Variants in ADAM17 observed in about 807,000 individuals in gnomAD.
ADAM17 encodes the protein ADAM metallopeptidase domain 17, also known as disintegrin and metalloproteinase domain-containing protein 17.
In ADAM17, 39 loss-of-function variants were observed where a neutral mutation model predicts 96.7. The ratio of observed to expected loss-of-function variants is 0.40; its 90% CI spans 0.31 to 0.53. The LOEUF is 0.53. Among genes scored for constraint, ADAM17 ranks in the 20% least tolerant of loss-of-function variants. ADAM17 has a pLI of 0.44. For synonymous variants in ADAM17, 344 were observed against 359.2 expected (o/e 0.96, Z 0.48); for missense variants, 777 against 1,013.2 (o/e 0.77, Z 3.17).
At chr2:9,504,763 GAAAAAA>G (rs55649546) in intron 12 of ADAM17, among the ~76,000 whole-genome samples, 10 of 117,790 alleles carry the variant, frequency 8.5e-5, no homozygotes, top group Non-Finnish European at 1.4e-4. Context: ...TCTGTCTCAG[GAAAAAA>G]AAAAAAAAAA....
chr2:9,523,231 A>C lies in ADAM17; in HGVS notation c.843+18T>G, dbSNP rs373462756. On this transcript the variant is annotated intron_variant, in intron 7 of 18. Transcript: ENST00000310823. Reference sequence around the variant, plus strand: ...TTACAAAACTTAAGTAATATAAGCCATATCTATTGATAAATACCTGCTCTA... The same window carrying C: ...TTACAAAACTTAAGTAATATAAGCCCTATCTATTGATAAATACCTGCTCTA... 1 of 1,553,164 alleles carries C rather than the reference A, an allele frequency of 6.4e-7. No homozygotes were observed. Among genetic ancestry groups the C allele is most frequent in the Non-Finnish European group, 8.8e-7 (1 of 1,132,496 alleles).
intron 11 of ADAM17, among the ~76,000 whole-genome samples, chr2:9,508,039 G>A (rs1443344892): frequency 1.3e-5 from 2 of 152,252 alleles, no homozygotes; most frequent in East Asian, 3.9e-4. Flanking sequence ...CTGTTTTGAA[G>A]AGCCCCAGAA....
chr2:9,509,512 T>C (rs1480505517), intron 11 of ADAM17, among the ~76,000 whole-genome samples: 1 of 152,196 alleles, frequency 6.6e-6, no homozygotes, highest in Non-Finnish European at 1.5e-5. Flanking sequence ...GATAGAGCTA[T>C]GAATAAGACA....
At chr2:9,506,595 G>T (rs566288473) in intron 11 of ADAM17, among the ~76,000 whole-genome samples, 1 of 152,038 alleles carries the variant, frequency 6.6e-6, no homozygotes, top group Admixed American at 6.5e-5. Flanking sequence ...TCGATCTCTT[G>T]ACCTCATGAT....
At chr2:9,530,149 G>C (rs1664681081) in intron 4 of ADAM17, among the ~76,000 whole-genome samples, 1 of 152,204 alleles carries the variant, frequency 6.6e-6, no homozygotes, top group African/African-American at 2.4e-5. Flanking sequence ...GGTTGGCAGA[G>C]ATCTCAAAAG....
At chr2:9,546,608 T>C (rs1308891970) in intron 1 of ADAM17, among the ~76,000 whole-genome samples, 2 of 152,090 alleles carry the variant, frequency 1.3e-5, no homozygotes, top group African/African-American at 4.8e-5. Context: ...TATCCAATTC[T>C]CTCAATAAAC....
At chr2:9,518,277 A>AG in intron 8 of ADAM17, 30 bp from the exon 9 acceptor site, 1 of 1,515,246 alleles carries the variant, frequency 6.6e-7, no homozygotes, top group Non-Finnish European at 8.8e-7. Flanking sequence ...AAAAAAAAAA[A>AG]AAAAGCATTC....
chr2:9,549,688 T>C (rs929060228), intron 1 of ADAM17, among the ~76,000 whole-genome samples: 4 of 151,970 alleles, frequency 2.6e-5, no homozygotes, highest in African/African-American at 9.7e-5. Context: ...TAATTTTTGT[T>C]TCTATTTTTT....
chr2:9,502,482 A>G (rs1025258353), intron 12 of ADAM17, among the ~76,000 whole-genome samples: 9 of 152,162 alleles, frequency 5.9e-5, no homozygotes, highest in Non-Finnish European at 8.8e-5. Context: ...GGTCACATAA[A>G]TGCCACACTA....
At chr2:9,532,586 T>C (rs1337266411) in intron 4 of ADAM17, among the ~76,000 whole-genome samples, 1 of 151,836 alleles carries the variant, frequency 6.6e-6, no homozygotes, top group Non-Finnish European at 1.5e-5. Flanking sequence ...ATCCTACTGC[T>C]TCAGCATTCT....
chr2:9,546,429 G>C (rs1192407042), intron 1 of ADAM17, among the ~76,000 whole-genome samples: 1 of 152,170 alleles, frequency 6.6e-6, no homozygotes, highest in Non-Finnish European at 1.5e-5. Flanking sequence ...CCAAACTGTA[G>C]CTACGTACTA....
chr2:9,541,329 G>A (rs1229210074), intron 2 of ADAM17, among the ~76,000 whole-genome samples: 1 of 152,146 alleles, frequency 6.6e-6, no homozygotes, highest in Non-Finnish European at 1.5e-5. Flanking sequence ...TTGGGAGCCT[G>A]AGGCAGGTGG....
intron 10 of ADAM17, among the ~76,000 whole-genome samples, chr2:9,515,740 AAAAAAAAAAAAG>A (rs1664023743): frequency 6.7e-6 from 1 of 148,916 alleles, no homozygotes; most frequent in Admixed American, 6.7e-5. Flanking sequence ...GTCTCCAAAA[AAAAAAAAAAAAG>A]AAAAAAGAAA....
At chr2:9,524,938 T>C (rs1350499591) in intron 6 of ADAM17, among the ~76,000 whole-genome samples, 1 of 152,188 alleles carries the variant, frequency 6.6e-6, no homozygotes, top group South Asian at 2.1e-4. Flanking sequence ...AAACAAGTTA[T>C]GCCTAAGAAG....
At chr2:9,498,295 G>A (rs192500142) in intron 13 of ADAM17, among the ~76,000 whole-genome samples, 1 of 152,162 alleles carries the variant, frequency 6.6e-6, no homozygotes, top group Non-Finnish European at 1.5e-5. Flanking sequence ...GGCCTTCCAA[G>A]TGCTGGAATG....
chr2:9,502,088 C>T (rs1383620038), intron 13 of ADAM17, 85 bp downstream of exon 13: 2 of 1,214,942 alleles, frequency 1.6e-6, no homozygotes, highest in Non-Finnish European at 2.4e-6. Flanking sequence ...AGGTGTCTCT[C>T]ATCTGAACAA....
intron 1 of ADAM17, among the ~76,000 whole-genome samples, chr2:9,544,565 C>T (rs1335434700): frequency 1.3e-5 from 2 of 151,878 alleles, no homozygotes; most frequent in Admixed American, 6.6e-5. Flanking sequence ...CGGTGGCTCA[C>T]GCCTGTAATC....
Position 9,518,084 on chromosome 2 carries a change from A to G in ADAM17, c.1102+19T>C. 1 of 1,577,920 alleles carries G rather than the reference A, an allele frequency of 6.3e-7. No individual in the cohort carries two copies. The highest frequency in any genetic ancestry group is 8.6e-7 in the Non-Finnish European group (1 of 1,165,570). On this transcript the variant is annotated intron_variant, in intron 9 of 18. Transcript: ENST00000310823. ...AATAATCCCAGCAGCATATTCACAC[A>G]AGAAATGGAAAAACTTACCCTTTGG...
intron 1 of ADAM17, among the ~76,000 whole-genome samples, chr2:9,552,912 A>G (rs1050016637): frequency 2.6e-5 from 4 of 152,128 alleles, no homozygotes. Flanking sequence ...CCTAATCGAT[A>G]TTGAGTACTG....
Sources: gnomAD v4.1 joint callset for allele counts (sites outside exome capture counted in the v4.1 genomes callset) on GRCh38, gnomAD v4.1.1 for gene constraint, MANE v1.5 for transcripts, NCBI Gene and HGNC (gene_info 2026-07-23, HGNC 2026-07-21) for gene names.